SCLT1: variants seen among roughly 807,000 people sequenced by gnomAD.
SCLT1 encodes sodium channel and clathrin linker 1.
SCLT1 carries 78 observed loss-of-function variants against 112.8 expected under a neutral mutation model. That is an observed-to-expected ratio of 0.69 (90% CI 0.58 to 0.83). SCLT1 has a LOEUF of 0.83. SCLT1 is among the 40% of genes least tolerant of loss of function. SCLT1 has a pLI of 0.00. For missense variants in SCLT1, 747 were observed against 770.4 expected, an observed-to-expected ratio of 0.97 and a Z score of 0.36; for synonymous variants, 257 against 254.7, an observed-to-expected ratio of 1.01 and a Z score of -0.09.
At chr4:129,061,943 C>T (rs1162762930) in intron 2 of SCLT1, among the ~76,000 whole-genome samples, 1 of 152,150 alleles carries the variant, frequency 6.6e-6, no homozygotes, top group Non-Finnish European at 1.5e-5. Flanking sequence ...CTAGGTTGCT[C>T]CCTCAGATAA....
At chr4:128,947,263 A>G (rs115207382) in intron 15 of SCLT1, among the ~76,000 whole-genome samples, 2,246 of 152,272 alleles carry the variant, frequency 0.015, 62 homozygotes, top group African/African-American at 0.051. Flanking sequence ...AACCTTTGCC[A>G]TGTGATGTTA....
chr4:129,042,859 G>T (rs1747825415), intron 4 of SCLT1, among the ~76,000 whole-genome samples: 1 of 152,042 alleles, frequency 6.6e-6, no homozygotes, highest in Non-Finnish European at 1.5e-5. Context: ...CGGATCACGA[G>T]GTCAGGAGAT....
In SCLT1 at chr4:128,965,306, C is replaced by T; in HGVS notation, c.790G>A (p.Val264Met). ...GCTTCCTCTCTTCCATGGGCAGACACCACATCCTTCTCCTAGAAAATAAAG... is the reference window on the plus strand; with the variant it reads ...GCTTCCTCTCTTCCATGGGCAGACATCACATCCTTCTCCTAGAAAATAAAG... Reference protein sequence around the residue: ...GQMKKKEKDVVSAHGREEASD... With the variant: ...GQMKKKEKDVMSAHGREEASD... The change falls in exon 11 of 21, where the codon GTG becomes ATG. Residue 264 changes from valine (V) to methionine (M), a missense_variant. Val to Met is a conservative substitution (Grantham distance 21, BLOSUM62 1). Transcript: ENST00000281142. 6.2e-7 allele frequency: 1 copy of T among 1,603,866 alleles called. No individual in the cohort carries two copies. The highest frequency in any genetic ancestry group is 8.5e-7 in the Non-Finnish European group (1 of 1,171,186).
chr4:129,071,670 C>T (rs1038721175), intron 2 of SCLT1, among the ~76,000 whole-genome samples: 2 of 152,068 alleles, frequency 1.3e-5, no homozygotes, highest in Admixed American at 6.6e-5. Context: ...CACCCCTTCA[C>T]TTTAAGTTTA....
chr4:128,909,281 C>T (rs1206492442), intron 18 of SCLT1, among the ~76,000 whole-genome samples: 5 of 152,110 alleles, frequency 3.3e-5, no homozygotes, highest in Admixed American at 2.0e-4. Context: ...GACAAGGTCT[C>T]GCTCTGTCAC....
In SCLT1 at chr4:128,999,808, T is replaced by G. The variant is rs1288911176; in HGVS notation, c.427-14A>C. 6.3e-7 allele frequency: 1 copy of G among 1,582,456 alleles called. No individual in the cohort carries two copies. Among genetic ancestry groups the G allele is most frequent in the East Asian group, 2.3e-5 (1 of 44,416 alleles). On this transcript the variant is annotated splice_polypyrimidine_tract_variant and intron_variant, in intron 6 of 20. Transcript: ENST00000281142. Reference sequence around the variant, plus strand: ...CTGAGTTTTTTCCTATTAAAAAAGTTTGATAACTCATTAAATTATCAGCAG... The same window carrying G: ...CTGAGTTTTTTCCTATTAAAAAAGTGTGATAACTCATTAAATTATCAGCAG...
intron 2 of SCLT1, among the ~76,000 whole-genome samples, chr4:129,062,907 G>A (rs1357781893): frequency 6.6e-6 from 1 of 152,162 alleles, no homozygotes; most frequent in Non-Finnish European, 1.5e-5. Flanking sequence ...TGGGTCTTAT[G>A]TCTGACGTCC....
intron 14 of SCLT1, 119 bp downstream of exon 14, chr4:128,952,650 C>T (rs1738855258): frequency 2.8e-6 from 2 of 706,626 alleles, no homozygotes; most frequent in East Asian, 2.5e-5. Context: ...TTTTTCTTAG[C>T]ACCTAGCCAG....
In SCLT1 at chr4:129,069,017, T is replaced by C. The variant is rs142764195; in HGVS notation, c.102+13289A>G. Among the ~76,000 whole-genome samples the C allele has an allele frequency of 5.0e-3, 769 of 152,320 alleles. 10 individuals are homozygous for C. The highest frequency in any genetic ancestry group is 0.017 in the African/African-American group (702 of 41,582). On this transcript the variant is annotated intron_variant, in intron 2 of 20. Coordinates refer to ENST00000281142, the MANE Select transcript of SCLT1 (RefSeq NM_144643.4). ...GGCTAGCCAATTATCCCTGCACGAT[T>C]TGTTGAAAAGGGAGTCCTTTCCCCA...
chr4:129,092,605 T>C (rs1011319712), intron 1 of SCLT1, among the ~76,000 whole-genome samples: 1 of 152,226 alleles, frequency 6.6e-6, no homozygotes, highest in Non-Finnish European at 1.5e-5. Context: ...TTCAATATAT[T>C]TTGGAATACA....
At chr4:129,000,913 G>C (rs1263363143) in intron 6 of SCLT1, among the ~76,000 whole-genome samples, 2 of 150,764 alleles carry the variant, frequency 1.3e-5, no homozygotes, top group Non-Finnish European at 3.0e-5. Flanking sequence ...ATTTCCTCGT[G>C]TTCCTAACAC....
chr4:128,998,249 T>A (rs1743176590), intron 7 of SCLT1, among the ~76,000 whole-genome samples: 1 of 151,870 alleles, frequency 6.6e-6, no homozygotes, highest in African/African-American at 2.4e-5. Flanking sequence ...TTATAAGTGA[T>A]TAGAAATTCT....
chr4:128,931,737 C>G (rs1014393387), intron 18 of SCLT1, among the ~76,000 whole-genome samples: 7 of 152,206 alleles, frequency 4.6e-5, no homozygotes, highest in Non-Finnish European at 8.8e-5. Flanking sequence ...GTTGGGATTA[C>G]AGGCGTGAGC....
intron 5 of SCLT1, chr4:129,036,555 C>T (rs1024800823): frequency 1.3e-5 from 2 of 151,310 alleles, no homozygotes; most frequent in Admixed American, 6.6e-5. Flanking sequence ...AAAAATTTCC[C>T]ATGGGAAAAA....
chr4:128,966,691 C>G (rs959394021), intron 10 of SCLT1, among the ~76,000 whole-genome samples: 2 of 152,134 alleles, frequency 1.3e-5, no homozygotes, highest in Non-Finnish European at 2.9e-5. Context: ...GAATGCAGGT[C>G]TGCTGGGGAC....
intron 18 of SCLT1, among the ~76,000 whole-genome samples, chr4:128,898,944 G>A (rs1478411230): frequency 6.6e-6 from 1 of 152,164 alleles, no homozygotes; most frequent in Non-Finnish European, 1.5e-5. Flanking sequence ...TAAATTCCTT[G>A]ACACATACAC....
chr4:128,959,435 G>A (rs1739494666), intron 12 of SCLT1, among the ~76,000 whole-genome samples, 165 bp downstream of exon 12: 1 of 152,014 alleles, frequency 6.6e-6, no homozygotes, highest in Admixed American at 6.6e-5. Flanking sequence ...ATCATATGAT[G>A]ATATCTGGTT....
chr4:129,017,814 C>T (rs1579715411), intron 5 of SCLT1, among the ~76,000 whole-genome samples: 2 of 152,274 alleles, frequency 1.3e-5, no homozygotes, highest in Admixed American at 1.3e-4. Context: ...ACTAATAGCA[C>T]CATATATCTC....
At chr4:129,058,995 T>C (rs973963691) in intron 2 of SCLT1, among the ~76,000 whole-genome samples, 5 of 152,204 alleles carry the variant, frequency 3.3e-5, no homozygotes, top group African/African-American at 1.2e-4. Flanking sequence ...AGGATATAAT[T>C]GAATTCATCA....
Sources: gnomAD v4.1 joint callset for allele counts (sites outside exome capture counted in the v4.1 genomes callset) on GRCh38, gnomAD v4.1.1 for gene constraint, MANE v1.5 for transcripts, NCBI Gene and HGNC (gene_info 2026-07-23, HGNC 2026-07-21) for gene names.